UPF1: variants seen among roughly 807,000 people sequenced by gnomAD.
UPF1 encodes the protein regulator of nonsense transcripts 1.
In UPF1, 9 loss-of-function variants were observed where a neutral mutation model predicts 129.2. The ratio of observed to expected loss-of-function variants is 0.07; its 90% confidence interval spans 0.04 to 0.12. UPF1 has a LOEUF of 0.12. UPF1 is among the 10% of genes least tolerant of loss of function. The pLI is 1.00. For synonymous variants in UPF1, 649 were observed against 644.9 expected (o/e 1.01, Z -0.10); for missense variants, 788 against 1,525.3 (o/e 0.52, Z 8.05).
At chr19:18,833,262 A>G (rs1037418846) in intron 1 of UPF1, 16 of 152,212 alleles carry the variant, frequency 1.1e-4, no homozygotes, top group African/African-American at 3.6e-4. Context: ...TTGGCTGGCT[A>G]TTAAGATCAT....
chr19:18,866,340 G>A (rs2055844093), intron 23 of UPF1, among the ~76,000 whole-genome samples, 174 bp downstream of exon 23: 1 of 152,162 alleles, frequency 6.6e-6, no homozygotes, highest in Non-Finnish European at 1.5e-5. Flanking sequence ...TGCTAGTCAG[G>A]GTGGCTCCTC....
Position 18,846,084 on chromosome 19 carries a change from C to G in UPF1, c.336C>G (p.Thr112=), listed in dbSNP as rs1440332822. The G allele has an allele frequency of 6.2e-7, 1 of 1,614,138 alleles. No homozygotes were observed. The highest frequency in any genetic ancestry group is 8.5e-7 in the Non-Finnish European group (1 of 1,180,022). Residue 112 remains threonine, a synonymous_variant, in exon 2 of 24, where the codon ACC becomes ACG. Transcript: ENST00000262803. ...ACTTCGAGGAAGATGAAGAAGACAC[C>G]TATTACACGAAGGACCTCCCCATAC... ...ELNFEEDEED[T]YYTKDLPIHA... is the part of the protein sequence containing the mutation.
intron 1 of UPF1, among the ~76,000 whole-genome samples, chr19:18,840,419 C>T (rs566561541): frequency 6.6e-6 from 1 of 152,274 alleles, no homozygotes; most frequent in Admixed American, 6.5e-5. Context: ...GAGGCACCGT[C>T]CTGAGGGCCT....
At chr19:18,840,795 C>T (rs762122347) in intron 1 of UPF1, among the ~76,000 whole-genome samples, 2 of 152,220 alleles carry the variant, frequency 1.3e-5, no homozygotes, top group Non-Finnish European at 2.9e-5. Context: ...AGTCTGGTGG[C>T]TGGCAGCAGG....
intron 1 of UPF1, among the ~76,000 whole-genome samples, chr19:18,838,519 A>G (rs1645244123): frequency 6.6e-6 from 1 of 152,166 alleles, no homozygotes; most frequent in Non-Finnish European, 1.5e-5. Context: ...ATAGTGGCAC[A>G]TGCCTGTAAT....
intron 1 of UPF1, among the ~76,000 whole-genome samples, chr19:18,833,541 T>C (rs1487351054): frequency 5.0e-5 from 7 of 138,950 alleles, no homozygotes; most frequent in African/African-American, 1.8e-4. Context: ...TCCTGGGCGC[T>C]GCTTGCCTGG....
chr19:18,864,639 G>C (rs1601132038), intron 20 of UPF1, among the ~76,000 whole-genome samples: 1 of 151,456 alleles, frequency 6.6e-6, no homozygotes, highest in East Asian at 1.9e-4. Context: ...GTCCAGGCTG[G>C]TCTCAAACTC....
At chr19:18,842,089 C>G (rs1474792913) in intron 1 of UPF1, among the ~76,000 whole-genome samples, 2 of 152,012 alleles carry the variant, frequency 1.3e-5, no homozygotes, top group African/African-American at 4.8e-5. Flanking sequence ...AGAGCAAGAC[C>G]CTGTCTCAAA....
intron 17 of UPF1, among the ~76,000 whole-genome samples, chr19:18,861,684 A>T (rs1171987034): frequency 6.6e-6 from 1 of 152,082 alleles, no homozygotes; most frequent in Non-Finnish European, 1.5e-5. Context: ...AAAAAATAAT[A>T]ACTGGGTATG....
At chr19:18,834,574 T>G (rs1288106392) in intron 1 of UPF1, among the ~76,000 whole-genome samples, 1 of 152,212 alleles carries the variant, frequency 6.6e-6, no homozygotes, top group Non-Finnish European at 1.5e-5. Context: ...GGGTTTGTCC[T>G]GTGCTACTTG....
intron 1 of UPF1, among the ~76,000 whole-genome samples, chr19:18,842,712 G>C (rs1339193283): frequency 6.6e-6 from 1 of 151,774 alleles, no homozygotes; most frequent in Non-Finnish European, 1.5e-5. Flanking sequence ...AAAAAATTTG[G>C]GGGGGTGCTG....
chr19:18,861,912 G>C, intron 17 of UPF1, 98 bp from the exon 18 acceptor site: 1 of 1,492,618 alleles, frequency 6.7e-7, no homozygotes, highest in South Asian at 1.3e-5. Context: ...CAAGCTCCCG[G>C]GTGGGATTTG....
intron 1 of UPF1, among the ~76,000 whole-genome samples, chr19:18,839,502 C>G (rs1010694078): frequency 6.6e-6 from 1 of 152,210 alleles, no homozygotes; most frequent in African/African-American, 2.4e-5. Context: ...TCCGCTCCCT[C>G]CCCACCACCC....
rs2055687799 is a variant in UPF1, at chr19:18,853,949, C to A, written c.1156+599C>A. On this transcript the variant is annotated intron_variant, in intron 8 of 23. Transcript: ENST00000262803. This position sits in a 1 kb window ranked among gnomAD's most constrained non-coding sequence, Gnocchi z 4.4. ...ACTGGCCAATGCTGCTGGGGCCTGA[C>A]CATTCAGCGGTGGCCTCCACAGGGG... is the stretch of plus-strand genomic sequence containing the variant. 6.6e-6 allele frequency among the ~76,000 whole-genome samples: 1 copy of A among 152,144 alleles called. No individual in the cohort carries two copies. Among genetic ancestry groups the A allele is most frequent in the South Asian group, 2.1e-4 (1 of 4,830 alleles).
At chr19:18,845,453 A>G (rs1381722877) in intron 1 of UPF1, among the ~76,000 whole-genome samples, 2 of 152,170 alleles carry the variant, frequency 1.3e-5, no homozygotes, top group African/African-American at 2.4e-5. Context: ...TCGGTTGCCA[A>G]GGGTATCTCA....
intron 1 of UPF1, among the ~76,000 whole-genome samples, chr19:18,845,047 C>T (rs1800129653): frequency 6.6e-6 from 1 of 152,236 alleles, no homozygotes; most frequent in Non-Finnish European, 1.5e-5. Flanking sequence ...GAGCACCTGT[C>T]CCTAGGCTCG....
At chr19:18,849,688 ATGG>A (rs1345227821) in intron 3 of UPF1, 1 of 211,736 alleles carries the variant, frequency 4.7e-6, no homozygotes, top group Non-Finnish European at 9.6e-6. Flanking sequence ...GCCACAGAAG[ATGG>A]TGGCGGGGGT....
At chr19:18,863,653 C>T in intron 19 of UPF1, 41 bp downstream of exon 19, 1 of 1,572,060 alleles carries the variant, frequency 6.4e-7, no homozygotes, top group South Asian at 1.1e-5. Flanking sequence ...ACGGAGAAAC[C>T]CGGGCCCAAA....
chr19:18,844,701 C>G (rs539539481), intron 1 of UPF1, among the ~76,000 whole-genome samples: 138 of 152,298 alleles, frequency 9.1e-4, no homozygotes, highest in African/African-American at 3.2e-3. Context: ...AGTGGCAGCT[C>G]TGTGCCAGCT....
Sources: allele counts gnomAD v4.1 joint callset (sites outside exome capture counted in the v4.1 genomes callset), GRCh38; gene constraint gnomAD v4.1.1; non-coding constraint Gnocchi (gnomAD v3.1); transcripts MANE v1.5; gene names NCBI Gene and HGNC (gene_info 2026-07-23, HGNC 2026-07-21).